The following GRIA3 variants were observed in gnomAD, a reference collection of about 807,000 sequenced individuals.
GRIA3 encodes the protein glutamate receptor 3.
Under a neutral mutation model 63.0 loss-of-function variants are expected in GRIA3, and 3 were observed. The observed-to-expected ratio is 0.05, with a 90% CI of 0.02 to 0.12. The LOEUF is 0.12. Among genes scored for constraint, GRIA3 ranks in the 10% least tolerant of loss-of-function variants. The pLI, the probability that GRIA3 is intolerant of heterozygous loss-of-function variation, is 1.00. For synonymous variants in GRIA3, 274 were observed against 257.9 expected (o/e 1.06, Z -0.60); for missense variants, 347 against 700.9 (o/e 0.50, Z 5.70).
intron 4 of GRIA3, among the ~76,000 whole-genome samples, chrX:123,336,717 A>G (rs1157400812): frequency 8.9e-6 from 1 of 112,031 alleles, no homozygotes; most frequent in Non-Finnish European, 1.9e-5. Context: ...AAAGGACTCC[A>G]GTATTAAGCC....
chrX:123,421,408 TA>T (rs970197027), intron 11 of GRIA3, among the ~76,000 whole-genome samples: 4 of 111,818 alleles, frequency 3.6e-5, no homozygotes, highest in African/African-American at 1.3e-4. Flanking sequence ...CTAGAACTAT[TA>T]ACAGATTTAG....
At chrX:123,188,867 T>C (rs1452931613) in intron 2 of GRIA3, among the ~76,000 whole-genome samples, 1 of 111,823 alleles carries the variant, frequency 8.9e-6, no homozygotes. Flanking sequence ...TTCATATATG[T>C]GTCCCTGTTC....
chrX:123,271,517 A>G (rs146159104), intron 3 of GRIA3, among the ~76,000 whole-genome samples: 2 of 112,035 alleles, frequency 1.8e-5, no homozygotes, highest in African/African-American at 3.2e-5. Flanking sequence ...AAAATCTTCC[A>G]TTACACCAGA....
chrX:123,328,592 T>A (rs927532124), intron 4 of GRIA3, among the ~76,000 whole-genome samples: 2 of 112,151 alleles, frequency 1.8e-5, no homozygotes, highest in Non-Finnish European at 3.8e-5. Context: ...GGCCATAAAT[T>A]CTATGAGGGA....
intron 2 of GRIA3, among the ~76,000 whole-genome samples, chrX:123,225,188 A>G (rs139888196): frequency 0.01 from 1,133 of 111,971 alleles, 5 homozygotes; most frequent in Middle Eastern, 0.037. Context: ...TCTAAGCTTC[A>G]ATGTTCTCAT....
At chrX:123,250,014 A>G (rs1261729345) in intron 2 of GRIA3, among the ~76,000 whole-genome samples, 1 of 112,095 alleles carries the variant, frequency 8.9e-6, no homozygotes, top group Non-Finnish European at 1.9e-5. Context: ...CCCTTGATAT[A>G]AAGCTTTAAA....
chrX:123,190,090 GT>G (rs1927388571), intron 2 of GRIA3, among the ~76,000 whole-genome samples: 1 of 111,660 alleles, frequency 9.0e-6, no homozygotes, highest in Non-Finnish European at 1.9e-5. Context: ...GGTGGGTTTT[GT>G]TTTGTCTTGG....
rs757554964 is a variant in GRIA3 at position 123,465,575 on chromosome X, G to C, written c.2324+463G>C. ...ACATTTTTATAGCTCCACGTTCTGT[G>C]AAATTTAGCCAATTTGTCCTCTTGT... On this transcript the variant is annotated intron_variant, in intron 13 of 15. Transcript: ENST00000620443. 1.1e-4 allele frequency: 70 copies of C among 647,889 alleles called. No individual in the cohort carries two copies. The South Asian group carries it at 1.6e-3, about 15-fold the overall frequency. The allele number at this position is 647,889 out of a possible 1,213,427, so 53.4% of individuals were successfully genotyped here.
chrX:123,319,560 C>T (rs998311226), intron 3 of GRIA3, among the ~76,000 whole-genome samples: 1 of 111,592 alleles, frequency 9.0e-6, no homozygotes, highest in Non-Finnish European at 1.9e-5. Flanking sequence ...TAGAGAGAAA[C>T]ACCCAGATGC....
At chrX:123,426,235 G>A (rs1340298856) in intron 11 of GRIA3, among the ~76,000 whole-genome samples, 1 of 111,756 alleles carries the variant, frequency 8.9e-6, no homozygotes, top group Non-Finnish European at 1.9e-5. Flanking sequence ...TAAAACCTAG[G>A]GAGCAGATTT....
intron 5 of GRIA3, among the ~76,000 whole-genome samples, chrX:123,366,721 A>T (rs1229717114): frequency 1.8e-5 from 2 of 111,807 alleles, no homozygotes; most frequent in African/African-American, 6.5e-5. Context: ...TGGGGTTGCT[A>T]GCTGACTCCA....
chrX:123,401,020 C>T (rs1474362429), intron 7 of GRIA3, among the ~76,000 whole-genome samples: 1 of 111,795 alleles, frequency 8.9e-6, no homozygotes, highest in Non-Finnish European at 1.9e-5. Flanking sequence ...TGTCTCTCAT[C>T]TCGAGATGCT....
intron 2 of GRIA3, among the ~76,000 whole-genome samples, chrX:123,245,895 T>G (rs2044356264): frequency 9.0e-6 from 1 of 111,584 alleles, no homozygotes; most frequent in South Asian, 3.8e-4. Context: ...TAGCAGATGT[T>G]TAGCCTGACA....
chrX:123,374,547 A>G (rs771775541), intron 5 of GRIA3, among the ~76,000 whole-genome samples: 1 of 111,845 alleles, frequency 8.9e-6, no homozygotes, highest in Admixed American at 9.5e-5. Context: ...AGTGTTTTGT[A>G]GTTCTCCTTG....
intron 12 of GRIA3, among the ~76,000 whole-genome samples, chrX:123,435,323 A>G (rs1210200215): frequency 8.9e-6 from 1 of 112,085 alleles, no homozygotes; most frequent in Non-Finnish European, 1.9e-5. Flanking sequence ...CTAGTGGACC[A>G]TTAATTTTCA....
intron 3 of GRIA3, among the ~76,000 whole-genome samples, chrX:123,259,495 A>G (rs1569409336): frequency 2.5e-5 from 1 of 39,442 alleles, no homozygotes; most frequent in African/African-American, 8.7e-5. Flanking sequence ...TTCTCTCTAC[A>G]CACACACTCA....
At chrX:123,308,666 GA>G (rs1471546535) in intron 3 of GRIA3, among the ~76,000 whole-genome samples, 1 of 111,368 alleles carries the variant, frequency 9.0e-6, no homozygotes, top group Non-Finnish European at 1.9e-5. Context: ...TGGGTTACTG[GA>G]AAAAAGCCTT....
intron 5 of GRIA3, 51 bp downstream of exon 5, chrX:123,355,014 T>C: frequency 1.1e-6 from 1 of 930,335 alleles, no homozygotes; most frequent in South Asian, 2.0e-5. Flanking sequence ...AGTTTGAATT[T>C]TTCTGTAATC....
chrX:123,450,201 T>C (rs779855271), intron 12 of GRIA3, among the ~76,000 whole-genome samples: 4 of 112,413 alleles, frequency 3.6e-5, no homozygotes, highest in African/African-American at 6.5e-5. Flanking sequence ...TGATCTCTAA[T>C]GGTAGCATTT....
Sources: gnomAD v4.1 joint callset for allele counts (sites outside exome capture counted in the v4.1 genomes callset) on GRCh38, gnomAD v4.1.1 for gene constraint, MANE v1.5 for transcripts, NCBI Gene and HGNC (gene_info 2026-07-23, HGNC 2026-07-21) for gene names.